The following MAGI2 variants were observed in gnomAD, a reference collection of about 807,000 sequenced individuals.
The protein encoded by MAGI2 is membrane-associated guanylate kinase, WW and PDZ domain-containing protein 2.
In MAGI2, 35 loss-of-function variants were observed where a neutral mutation model predicts 133.3. The ratio of observed to expected loss-of-function variants is 0.26; its 90% confidence interval spans 0.20 to 0.35. MAGI2 has a LOEUF of 0.35. MAGI2 is among the 10% of genes least tolerant of loss of function. The pLI, the probability that MAGI2 is intolerant of heterozygous loss-of-function variation, is 1.00. For synonymous variants in MAGI2, 729 were observed against 710.6 expected (o/e 1.03, Z -0.41); for missense variants, 1,636 against 1,863.4 (o/e 0.88, Z 2.25).
chr7:78,918,959 G>A (rs1799009169), intron 2 of MAGI2, among the ~76,000 whole-genome samples: 1 of 152,064 alleles, frequency 6.6e-6, no homozygotes, highest in Non-Finnish European at 1.5e-5. Context: ...TGAATTCTGG[G>A]ATTATACATC....
intron 6 of MAGI2, among the ~76,000 whole-genome samples, chr7:78,472,277 T>C (rs1020672542): frequency 6.6e-6 from 1 of 152,148 alleles, no homozygotes; most frequent in African/African-American, 2.4e-5. Context: ...TAAAAAATAG[T>C]CATTTCTTTG....
In MAGI2 at chr7:78,078,812, G is replaced by GTA. The variant is rs34931672; in HGVS notation, c.3706+133_3706+134dup. Reference sequence around the variant, plus strand: ...TATGTGTGTGTGTGTGTGTGTGTGTGTATATATATACCTATTGATAGCTAA... The same window carrying GTA: ...TATGTGTGTGTGTGTGTGTGTGTGTGTATATATATATACCTATTGATAGCTAA... On this transcript the variant is annotated intron_variant, in intron 21 of 21. Transcript: ENST00000354212. 1.5e-3 allele frequency: 867 copies of GTA among 589,010 alleles called. 1 individual carries two copies. Among genetic ancestry groups the GTA allele is most frequent in the Non-Finnish European group, 2.1e-3 (733 of 349,798 alleles). 36.5% of individuals were successfully genotyped at this position (589,010 alleles called of 1,614,324 possible).
chr7:78,982,040 C>G (rs1449836006), intron 2 of MAGI2, among the ~76,000 whole-genome samples: 1 of 151,764 alleles, frequency 6.6e-6, no homozygotes. Context: ...GGTCCAAAAC[C>G]TGGTATTCTT....
chr7:78,890,048 T>C (rs1796611360), intron 2 of MAGI2, among the ~76,000 whole-genome samples: 6 of 151,116 alleles, frequency 4.0e-5, no homozygotes, highest in Admixed American at 4.0e-4. Context: ...ACCAAGCAAA[T>C]GAAAACAAAA....
intron 1 of MAGI2, among the ~76,000 whole-genome samples, chr7:79,254,634 C>T (rs1394585138): frequency 6.6e-6 from 1 of 152,152 alleles, no homozygotes; most frequent in African/African-American, 2.4e-5. Flanking sequence ...AAAAATGCCA[C>T]CTTAATCAGG....
At chr7:79,178,092 A>G (rs1358801074) in intron 1 of MAGI2, among the ~76,000 whole-genome samples, 1 of 151,966 alleles carries the variant, frequency 6.6e-6, no homozygotes, top group African/African-American at 2.4e-5. Flanking sequence ...AAGATCCTAA[A>G]AGTCCTACAC....
At chr7:78,376,158 A>G (rs971967131) in intron 6 of MAGI2, among the ~76,000 whole-genome samples, 2 of 152,140 alleles carry the variant, frequency 1.3e-5, no homozygotes, top group African/African-American at 4.8e-5. Flanking sequence ...CCATGTATCA[A>G]GGTTCCAGTT....
At position 79,013,941 on chromosome 7, in the gene MAGI2, A is replaced by G. The variant is rs148129589; in HGVS notation, c.302-6735T>C. Among the ~76,000 whole-genome samples, 349 of 152,292 alleles carry G rather than the reference A, an allele frequency of 2.3e-3. 1 individual carries two copies. The highest frequency in any genetic ancestry group is 8.2e-3 in the African/African-American group (342 of 41,566). On this transcript the variant is annotated intron_variant, in intron 1 of 21. Transcript: ENST00000354212. ...TTACATGACAATTTCTATCCCTTCA[A>G]TATTTTATTCATAATATTAGAGAGT...
intron 9 of MAGI2, among the ~76,000 whole-genome samples, chr7:78,303,198 T>C (rs1035719128): frequency 1.3e-5 from 2 of 151,804 alleles, no homozygotes; most frequent in African/African-American, 4.8e-5. Flanking sequence ...GCCAACATGG[T>C]GAAACCCCGT....
chr7:78,720,086 T>G (rs1187409751), intron 2 of MAGI2, among the ~76,000 whole-genome samples: 1 of 152,096 alleles, frequency 6.6e-6, no homozygotes, highest in Non-Finnish European at 1.5e-5. Context: ...CTAGATAAGA[T>G]TACCTAAAAT....
intron 6 of MAGI2, among the ~76,000 whole-genome samples, chr7:78,371,701 T>C (rs10244093): frequency 0.82 from 124,949 of 151,974 alleles, 51,487 homozygotes; most frequent in Admixed American, 0.86. Context: ...TCCCACTTGT[T>C]ATCATGCAGT....
At chr7:78,533,473 G>T (rs142334793) in intron 3 of MAGI2, among the ~76,000 whole-genome samples, 2 of 152,272 alleles carry the variant, frequency 1.3e-5, no homozygotes, top group Non-Finnish European at 2.9e-5. Flanking sequence ...AAGTTGTAAG[G>T]TTCCAGTGTA....
At chr7:78,860,740 T>G (rs978895861) in intron 2 of MAGI2, among the ~76,000 whole-genome samples, 2 of 152,130 alleles carry the variant, frequency 1.3e-5, no homozygotes, top group African/African-American at 4.8e-5. Flanking sequence ...TCTCACACTC[T>G]GTGCTGGGAG....
At chr7:78,508,456 C>A (rs1030454136) in intron 4 of MAGI2, among the ~76,000 whole-genome samples, 2 of 152,130 alleles carry the variant, frequency 1.3e-5, no homozygotes, top group East Asian at 1.9e-4. Context: ...ATATATCTTT[C>A]TTCTGTATCG....
At chr7:78,127,493 G>A in intron 18 of MAGI2, 77 bp from the exon 19 acceptor site, 2 of 1,151,802 alleles carry the variant, frequency 1.7e-6, no homozygotes, top group Non-Finnish European at 2.5e-6. Context: ...GGCCTCCAGA[G>A]GTGGGCCAGC....
intron 2 of MAGI2, among the ~76,000 whole-genome samples, chr7:78,894,366 C>A (rs1020731596): frequency 1.3e-5 from 2 of 151,950 alleles, no homozygotes; most frequent in African/African-American, 2.4e-5. Flanking sequence ...CGCACATGGG[C>A]GACAAAGCCA....
chr7:78,153,819 T>A (rs1824124333), intron 16 of MAGI2, among the ~76,000 whole-genome samples: 1 of 152,232 alleles, frequency 6.6e-6, no homozygotes, highest in South Asian at 2.1e-4. Context: ...CCATCTTCTT[T>A]TATATTTTAA....
chr7:79,159,636 A>G (rs1824169017), intron 1 of MAGI2, among the ~76,000 whole-genome samples: 1 of 152,076 alleles, frequency 6.6e-6, no homozygotes, highest in South Asian at 2.1e-4. Flanking sequence ...AGATTTTATT[A>G]CAAATATTAA....
intron 9 of MAGI2, among the ~76,000 whole-genome samples, chr7:78,299,085 T>C (rs1797599497): frequency 6.6e-6 from 1 of 152,142 alleles, no homozygotes. Flanking sequence ...CCCAAAGTGC[T>C]GGGATTACAG....
Sources: gnomAD v4.1 joint callset for allele counts (sites outside exome capture counted in the v4.1 genomes callset) on GRCh38, gnomAD v4.1.1 for gene constraint, MANE v1.5 for transcripts, NCBI Gene and HGNC (gene_info 2026-07-23, HGNC 2026-07-21) for gene names.